The following ADARB2 variants were observed in gnomAD, a reference collection of about 807,000 sequenced individuals.
The protein encoded by ADARB2 is adenosine deaminase RNA specific B2 (inactive).
In ADARB2, 25 loss-of-function variants were observed where a neutral mutation model predicts 62.2. The ratio of observed to expected loss-of-function variants is 0.40; its 90% CI spans 0.29 to 0.56. ADARB2 has a LOEUF of 0.56. Among genes scored for constraint, ADARB2 ranks in the 20% least tolerant of loss-of-function variants. The probability of loss-of-function intolerance (pLI) is 0.43; values close to 1 mark genes in which losing one functional copy is unlikely to be tolerated. For synonymous variants in ADARB2, 572 were observed against 500.8 expected (o/e 1.14, Z -1.90); for missense variants, 1,071 against 1,077.4 (o/e 0.99, Z 0.08).
chr10:1,682,594 G>A (rs544850147), intron 1 of ADARB2, among the ~76,000 whole-genome samples: 7 of 152,238 alleles, frequency 4.6e-5, no homozygotes, highest in East Asian at 1.9e-4. Flanking sequence ...TGTAATTTCC[G>A]AATGGCAACT....
intron 3 of ADARB2, among the ~76,000 whole-genome samples, chr10:1,328,344 A>G (rs972250376): frequency 2.6e-5 from 4 of 152,220 alleles, no homozygotes; most frequent in African/African-American, 9.6e-5. Context: ...TAGGACTGCA[A>G]AATGGCATTG....
At chr10:1,446,577 G>A (rs1830973588) in intron 1 of ADARB2, among the ~76,000 whole-genome samples, 1 of 152,214 alleles carries the variant, frequency 6.6e-6, no homozygotes, top group South Asian at 2.1e-4. Flanking sequence ...GCTGAAGCAG[G>A]AGACACGCTG....
chr10:1,209,462 AT>A (rs1837116469), intron 7 of ADARB2, among the ~76,000 whole-genome samples: 1 of 85,794 alleles, frequency 1.2e-5, no homozygotes, highest in African/African-American at 4.8e-5. Context: ...CACCCACACC[AT>A]CACCCACACC....
intron 1 of ADARB2, among the ~76,000 whole-genome samples, chr10:1,597,773 A>G (rs1219109835): frequency 6.6e-6 from 1 of 152,266 alleles, no homozygotes; most frequent in Non-Finnish European, 1.5e-5. Flanking sequence ...ACTACTGGAT[A>G]TCTACCCAAA....
At chr10:1,317,292 T>C (rs1210705054) in intron 3 of ADARB2, among the ~76,000 whole-genome samples, 2 of 152,216 alleles carry the variant, frequency 1.3e-5, no homozygotes, top group African/African-American at 4.8e-5. Flanking sequence ...TACCAGATAA[T>C]GTTCCCTGAG....
intron 1 of ADARB2, among the ~76,000 whole-genome samples, chr10:1,383,263 T>G (rs557165739): frequency 6.6e-6 from 1 of 152,280 alleles, no homozygotes; most frequent in Admixed American, 6.5e-5. Flanking sequence ...TACGACCGTT[T>G]GGGAGAATTA....
intron 1 of ADARB2, among the ~76,000 whole-genome samples, chr10:1,588,483 G>C (rs10903503): frequency 0.17 from 26,437 of 152,194 alleles, 2,591 homozygotes; most frequent in Non-Finnish European, 0.22. Flanking sequence ...TTGGTAGACA[G>C]AGCTAGGTAG....
chr10:1,381,455 G>A (rs1469305019), intron 1 of ADARB2, among the ~76,000 whole-genome samples: 5 of 152,222 alleles, frequency 3.3e-5, no homozygotes, highest in African/African-American at 9.6e-5. Context: ...AGAGCCCTCC[G>A]GGAATGTAAA....
chr10:1,365,742 C>G (rs1326867112), intron 2 of ADARB2, among the ~76,000 whole-genome samples: 1 of 152,234 alleles, frequency 6.6e-6, no homozygotes, highest in Non-Finnish European at 1.5e-5. Context: ...ACACCTTACT[C>G]AGCAATTCTG....
rs150838922 is a variant in ADARB2 at position 1,720,687 on chromosome 10, T to C, written c.100+16364A>G. Among the ~76,000 whole-genome samples the C allele has an allele frequency of 9.7e-3, 1,470 of 152,312 alleles. 9 individuals carry two copies. Among genetic ancestry groups the C allele is most frequent in the Middle Eastern group, 0.017 (5 of 294 alleles). Reference sequence around the variant, plus strand: ...GGTGAAATGGGACATTATTTCTACTTTGGCCCACACTGCAGGAGCATGCGG... The same window carrying C: ...GGTGAAATGGGACATTATTTCTACTCTGGCCCACACTGCAGGAGCATGCGG... On this transcript the variant is annotated intron_variant, in intron 1 of 9. Coordinates refer to ENST00000381312, the MANE Select transcript of ADARB2 (RefSeq NM_018702.4).
At chr10:1,676,219 A>G (rs1227447680) in intron 1 of ADARB2, 1 of 201,888 alleles carries the variant, frequency 5.0e-6, no homozygotes, top group Non-Finnish European at 8.8e-6. Flanking sequence ...CTTCTGCTGC[A>G]GAAGAAAATA....
At chr10:1,232,751 T>C (rs1352320603) in intron 6 of ADARB2, among the ~76,000 whole-genome samples, 1 of 150,882 alleles carries the variant, frequency 6.6e-6, no homozygotes, top group African/African-American at 2.5e-5. Context: ...GTAGTGTATG[T>C]GGTATGTGGT....
intron 7 of ADARB2, among the ~76,000 whole-genome samples, chr10:1,212,069 A>G (rs1837161192): frequency 6.6e-6 from 1 of 152,082 alleles, no homozygotes; most frequent in Admixed American, 6.6e-5. Flanking sequence ...CGCTTCACAG[A>G]CGGTGACTTC....
chr10:1,723,788 T>G (rs1289672297), intron 1 of ADARB2, among the ~76,000 whole-genome samples: 1 of 152,160 alleles, frequency 6.6e-6, no homozygotes, highest in Non-Finnish European at 1.5e-5. Context: ...GGGCACCACG[T>G]GGCAAAGACA....
At chr10:1,698,139 G>T (rs1834771737) in intron 1 of ADARB2, among the ~76,000 whole-genome samples, 1 of 152,124 alleles carries the variant, frequency 6.6e-6, no homozygotes, top group Non-Finnish European at 1.5e-5. Flanking sequence ...CATGCTCCCT[G>T]TCCCACGTAC....
intron 6 of ADARB2, among the ~76,000 whole-genome samples, chr10:1,230,787 G>A (rs1042936149): frequency 6.6e-6 from 1 of 152,132 alleles, no homozygotes; most frequent in Admixed American, 6.5e-5. Context: ...ATGGGAGAGC[G>A]GAGGAGTGGC....
intron 1 of ADARB2, among the ~76,000 whole-genome samples, chr10:1,632,280 T>C (rs1833852824): frequency 6.6e-6 from 1 of 152,022 alleles, no homozygotes; most frequent in Non-Finnish European, 1.5e-5. Flanking sequence ...TACACACACA[T>C]ATGCACACAC....
rs529355421 is a variant in ADARB2 at position 1,233,374 on chromosome 10, G to A, written c.1513+320C>T. 1.6e-4 allele frequency among the ~76,000 whole-genome samples: 25 copies of A among 152,298 alleles called. No homozygotes were observed. The South Asian group carries it at 3.7e-3, about 23-fold the overall frequency. ...CAGTGAGAATTTGCTCCCAGCCTGCGTAACTCTCACTGGCCTTCCCTTCAT... is the reference window on the plus strand; with the variant it reads ...CAGTGAGAATTTGCTCCCAGCCTGCATAACTCTCACTGGCCTTCCCTTCAT... On this transcript the variant is annotated intron_variant, in intron 6 of 9. Transcript: ENST00000381312.
intron 3 of ADARB2, among the ~76,000 whole-genome samples, chr10:1,345,094 C>T (rs367655519): frequency 6.0e-5 from 9 of 150,266 alleles, no homozygotes; most frequent in East Asian, 3.9e-4. Context: ...GCCGCAGCCT[C>T]GGGTGTGAGC....
Sources: gnomAD v4.1 joint callset for allele counts (sites outside exome capture counted in the v4.1 genomes callset) on GRCh38, gnomAD v4.1.1 for gene constraint, MANE v1.5 for transcripts, NCBI Gene and HGNC (gene_info 2026-07-23, HGNC 2026-07-21) for gene names.